ADAMTS17: variants seen among roughly 807,000 people sequenced by gnomAD.
The protein encoded by ADAMTS17 is A disintegrin and metalloproteinase with thrombospondin motifs 17.
Under a neutral mutation model 141.5 loss-of-function variants are expected in ADAMTS17, and 113 were observed. The ratio of observed to expected loss-of-function variants is 0.80; its 90% CI spans 0.69 to 0.93. The LOEUF is 0.93. Among genes scored for constraint, ADAMTS17 ranks in the 40% least tolerant of loss-of-function variants. The probability of loss-of-function intolerance (pLI) is 0.00; values close to 1 mark genes in which losing one functional copy is unlikely to be tolerated. For synonymous variants in ADAMTS17, 768 were observed against 630.6 expected (o/e 1.22, Z -3.27); for missense variants, 1,659 against 1,517.9 (o/e 1.09, Z -1.54).
rs1412061528 is a variant in ADAMTS17, at chr15:100,170,075, C to A, written c.1182-14755G>T. Among the ~76,000 whole-genome samples the A allele has an allele frequency of 2.0e-5, 3 of 151,936 alleles. No individual in the cohort carries two copies. The South Asian group carries it at 6.3e-4, about 32-fold the overall frequency. The stretch of plus-strand genomic sequence containing the variant: ...ATACACCCGAGGCTAGAAGAGGAAG[C>A]GTGATGTGACTGGCACCATGAGATG... On this transcript the variant is annotated intron_variant, in intron 8 of 21. Coordinates refer to ENST00000268070, the MANE Select transcript of ADAMTS17 (RefSeq NM_139057.4).
chr15:99,971,462 CAT>C lies in ADAMTS17; in HGVS notation c.*2938_*2939del, dbSNP rs1378761756. The C allele has an allele frequency of 1.3e-5, 2 of 152,190 alleles. No homozygotes were observed. The highest frequency in any genetic ancestry group is 6.5e-5 in the Admixed American group (1 of 15,286). The allele number at this position is 152,190 out of a possible 1,614,324, so 9.4% of individuals were successfully genotyped here. On this transcript the variant is annotated 3_prime_UTR_variant, in exon 22 of 22. Coordinates refer to ENST00000268070, the MANE Select transcript of ADAMTS17 (RefSeq NM_139057.4). The stretch of plus-strand genomic sequence containing the variant: ...TGTTATGGAAAAACATTTTATTACA[CAT>C]ATTCAACTTGCTTCCAATGAAATGA...
At chr15:100,279,604 A>G (rs1185660464) in intron 4 of ADAMTS17, among the ~76,000 whole-genome samples, 17 of 152,240 alleles carry the variant, frequency 1.1e-4, no homozygotes, top group Admixed American at 1.1e-3. Context: ...CACTGTGGCC[A>G]GAGCTAAATT....
At chr15:100,197,913 C>T (rs2041181210) in intron 8 of ADAMTS17, among the ~76,000 whole-genome samples, 1 of 152,184 alleles carries the variant, frequency 6.6e-6, no homozygotes, top group Admixed American at 6.5e-5. Context: ...CCTCAGCAAA[C>T]TAACCCAGGA....
intron 7 of ADAMTS17, among the ~76,000 whole-genome samples, chr15:100,223,673 A>C (rs745648382): frequency 1.3e-5 from 2 of 151,546 alleles, no homozygotes; most frequent in Non-Finnish European, 2.9e-5. Context: ...ACCCACAGAC[A>C]CACACACATA....
At chr15:100,102,613 C>T (rs1442490284) in intron 14 of ADAMTS17, among the ~76,000 whole-genome samples, 5 of 151,810 alleles carry the variant, frequency 3.3e-5, no homozygotes, top group Non-Finnish European at 7.4e-5. Context: ...ATTTGAAGGC[C>T]GACTGAAAGG....
chr15:100,151,507 G>A (rs1459225736), intron 10 of ADAMTS17, among the ~76,000 whole-genome samples: 3 of 152,156 alleles, frequency 2.0e-5, no homozygotes, highest in Non-Finnish European at 2.9e-5. Context: ...TGCTGCTCCC[G>A]AGTGCTTGCT....
At chr15:100,069,065 AAAACC>A (rs2033774483) in intron 15 of ADAMTS17, among the ~76,000 whole-genome samples, 2 of 152,258 alleles carry the variant, frequency 1.3e-5, no homozygotes, top group South Asian at 2.1e-4. Context: ...GAGGGAGCTG[AAAACC>A]AAGCCATGAG....
chr15:100,109,260 C>CCATCTCCTCTAAACACGCGGCA, intron 13 of ADAMTS17, 144 bp from the exon 14 acceptor site: 1 of 1,165,204 alleles, frequency 8.6e-7, no homozygotes, highest in Non-Finnish European at 1.2e-6. Flanking sequence ...GGTACGCGCT[C>CCATCTCCTCTAAACACGCGGCA]CAGGAAGCGG....
intron 3 of ADAMTS17, 93 bp from the exon 4 acceptor site, chr15:100,281,494 A>G: frequency 6.7e-7 from 1 of 1,502,460 alleles, no homozygotes; most frequent in Admixed American, 2.0e-5. Context: ...TGCCCGAGAG[A>G]GTGGTCAGTC....
At chr15:100,058,503 G>A (rs1024603202) in intron 15 of ADAMTS17, among the ~76,000 whole-genome samples, 7 of 152,190 alleles carry the variant, frequency 4.6e-5, no homozygotes, top group African/African-American at 1.4e-4. Context: ...CCACTTCCAT[G>A]CCAAAAGTAA....
At chr15:100,331,092 C>T (rs767993111) in intron 2 of ADAMTS17, 38 bp from the exon 3 acceptor site, 1 of 1,613,066 alleles carries the variant, frequency 6.2e-7, no homozygotes, top group Non-Finnish European at 8.5e-7. Context: ...TGTCGGTCAT[C>T]CTCACTCACA....
intron 20 of ADAMTS17, among the ~76,000 whole-genome samples, chr15:99,991,932 A>T (rs895446621): frequency 9.2e-5 from 14 of 152,194 alleles, no homozygotes; most frequent in Non-Finnish European, 2.1e-4. Flanking sequence ...ACAGAAAATC[A>T]AACACTGCAT....
At chr15:100,330,561 T>C (rs571020599) in intron 3 of ADAMTS17, among the ~76,000 whole-genome samples, 3 of 152,290 alleles carry the variant, frequency 2.0e-5, no homozygotes, top group East Asian at 3.9e-4. Flanking sequence ...AGTGAGCTCC[T>C]GGCCAGGGCA....
chr15:100,316,068 GAAGA>G (rs767222927), intron 3 of ADAMTS17, among the ~76,000 whole-genome samples: 2 of 152,230 alleles, frequency 1.3e-5, no homozygotes, highest in Non-Finnish European at 2.9e-5. Context: ...GTTCATGCAG[GAAGA>G]AATTTTTTTA....
chr15:100,267,567 G>A (rs1261859579), intron 4 of ADAMTS17, among the ~76,000 whole-genome samples: 1 of 152,054 alleles, frequency 6.6e-6, no homozygotes, highest in African/African-American at 2.4e-5. Context: ...ATGTGTGCAG[G>A]TTGGTTACGT....
chr15:100,266,925 G>C (rs1337235948), intron 4 of ADAMTS17, among the ~76,000 whole-genome samples: 1 of 152,144 alleles, frequency 6.6e-6, no homozygotes, highest in East Asian at 1.9e-4. Context: ...GGATGCAAGG[G>C]TCCCTAGCAC....
intron 18 of ADAMTS17, among the ~76,000 whole-genome samples, chr15:100,028,188 G>T (rs146194895): frequency 7.9e-5 from 12 of 152,330 alleles, no homozygotes; most frequent in Admixed American, 2.6e-4. Flanking sequence ...AACACTGTCA[G>T]ACAGGCGCAG....
At chr15:100,199,943 G>A (rs556894675) in intron 7 of ADAMTS17, among the ~76,000 whole-genome samples, 38 of 152,362 alleles carry the variant, frequency 2.5e-4, no homozygotes, top group African/African-American at 3.8e-4. Context: ...CATCCCGGGC[G>A]TGAGCCGGGG....
intron 7 of ADAMTS17, among the ~76,000 whole-genome samples, chr15:100,204,772 A>C (rs1008141814): frequency 6.6e-6 from 1 of 152,274 alleles, no homozygotes; most frequent in African/African-American, 2.4e-5. Context: ...GGGTGGGAAA[A>C]TCCTAACCTC....
Sources: gnomAD v4.1 joint callset for allele counts (sites outside exome capture counted in the v4.1 genomes callset) on GRCh38, gnomAD v4.1.1 for gene constraint, MANE v1.5 for transcripts, NCBI Gene and HGNC (gene_info 2026-07-23, HGNC 2026-07-21) for gene names.